KIAA1217: variants seen among roughly 807,000 people sequenced by gnomAD.
The protein encoded by KIAA1217 is sickle tail protein homolog.
KIAA1217 carries 88 observed loss-of-function variants against 163.9 expected under a neutral mutation model. The ratio of observed to expected loss-of-function variants is 0.54; its 90% CI spans 0.45 to 0.64. The LOEUF (loss-of-function observed/expected upper bound fraction) is 0.64. KIAA1217 is among the 30% of genes least tolerant of loss of function. The pLI, the probability that KIAA1217 is intolerant of heterozygous loss-of-function variation, is 0.00. For synonymous variants in KIAA1217, 903 were observed against 923.1 expected, an observed-to-expected ratio of 0.98 and a Z score of 0.39; for missense variants, 2,372 against 2,475.0, an observed-to-expected ratio of 0.96 and a Z score of 0.88.
intron 2 of KIAA1217, among the ~76,000 whole-genome samples, chr10:24,091,552 C>A (rs1018738763): frequency 6.6e-6 from 1 of 151,836 alleles, no homozygotes; most frequent in Non-Finnish European, 1.5e-5. Context: ...AGTAAGGGAA[C>A]TTTCATGAGC....
intron 2 of KIAA1217, among the ~76,000 whole-genome samples, chr10:24,268,251 G>C (rs2076423454): frequency 6.6e-6 from 1 of 152,088 alleles, no homozygotes; most frequent in South Asian, 2.1e-4. Flanking sequence ...TCAACAACCT[G>C]TTATATTTGA....
intron 1 of KIAA1217, among the ~76,000 whole-genome samples, chr10:23,905,447 G>A (rs1842121509): frequency 6.6e-6 from 1 of 152,008 alleles, no homozygotes; most frequent in Admixed American, 6.6e-5. Flanking sequence ...TATGGTTTAT[G>A]CTTTACAGAT....
chr10:23,861,082 T>A (rs1319505368), intron 1 of KIAA1217, among the ~76,000 whole-genome samples: 1 of 151,886 alleles, frequency 6.6e-6, no homozygotes, highest in Non-Finnish European at 1.5e-5. Context: ...CTGGCTAATT[T>A]TTGTATTTTT....
At chr10:24,410,206 G>C (rs1205102040) in intron 3 of KIAA1217, among the ~76,000 whole-genome samples, 1 of 151,924 alleles carries the variant, frequency 6.6e-6, no homozygotes, top group Non-Finnish European at 1.5e-5. Flanking sequence ...ATGTTGGCCA[G>C]GCTGGTCTCG....
chr10:23,936,370 G>A (rs982067223), intron 1 of KIAA1217, among the ~76,000 whole-genome samples: 2 of 152,074 alleles, frequency 1.3e-5, no homozygotes, highest in South Asian at 2.1e-4. Context: ...ATTACCCCCC[G>A]GCCCCAACAA....
chr10:24,427,830 G>A (rs139254979), intron 3 of KIAA1217, among the ~76,000 whole-genome samples: 156 of 152,252 alleles, frequency 1.0e-3, no homozygotes, highest in African/African-American at 3.6e-3. Context: ...CCAATAAAAC[G>A]CCATCGGATA....
chr10:24,145,625 A>G (rs2064274737), intron 2 of KIAA1217, among the ~76,000 whole-genome samples: 1 of 152,214 alleles, frequency 6.6e-6, no homozygotes, highest in South Asian at 2.1e-4. Context: ...ATAACCGGCC[A>G]TCTCCAAGCT....
At chr10:23,938,106 A>G (rs1246012812) in intron 1 of KIAA1217, among the ~76,000 whole-genome samples, 1 of 152,182 alleles carries the variant, frequency 6.6e-6, no homozygotes, top group Non-Finnish European at 1.5e-5. Flanking sequence ...ACCAGCATCT[A>G]TATGTTGGGA....
At chr10:24,520,350 T>C in intron 11 of KIAA1217, 97 bp downstream of exon 11, 3 of 1,498,984 alleles carry the variant, frequency 2.0e-6, no homozygotes, top group Non-Finnish European at 2.7e-6. Flanking sequence ...TATGCAAGTA[T>C]TTATTAAACG....
intron 1 of KIAA1217, among the ~76,000 whole-genome samples, chr10:23,817,996 T>C (rs534138211): frequency 0.037 from 3,921 of 106,082 alleles, 360 homozygotes; most frequent in African/African-American, 0.15. Context: ...TATATATATA[T>C]ATATATATAT....
At chr10:24,047,166 G>C (rs1849092853) in intron 2 of KIAA1217, among the ~76,000 whole-genome samples, 1 of 152,128 alleles carries the variant, frequency 6.6e-6, no homozygotes, top group African/African-American at 2.4e-5. Context: ...ATAGGGCCTT[G>C]CTGTCCTAAT....
At chr10:24,089,861 T>C (rs1324000073) in intron 2 of KIAA1217, among the ~76,000 whole-genome samples, 3 of 151,838 alleles carry the variant, frequency 2.0e-5, no homozygotes, top group Admixed American at 6.5e-5. Context: ...AAAATGGCCA[T>C]ACTGCCCAAG....
rs995442364 is a variant in KIAA1217, at chr10:23,818,347, A to T, written c.-321+123113A>T. On this transcript the variant is annotated intron_variant, in intron 1 of 18. Transcript: ENST00000376462. The stretch of plus-strand genomic sequence containing the variant: ...TATATATATTTTATATATATATATA[A>T]AAAAATATATATATATATATATATA... Among the ~76,000 whole-genome samples the T allele has an allele frequency of 2.0e-3, 239 of 116,946 alleles. 1 individual carries two copies. Among genetic ancestry groups the T allele is most frequent in the East Asian group, 4.7e-3 (19 of 4,030 alleles). The allele number at this position is 116,946 out of a possible 152,430, so 76.7% of individuals were successfully genotyped here.
intron 5 of KIAA1217, among the ~76,000 whole-genome samples, chr10:24,445,657 T>G (rs1332546310): frequency 6.6e-6 from 1 of 151,722 alleles, no homozygotes; most frequent in Non-Finnish European, 1.5e-5. Context: ...TGCGATAGTT[T>G]GCTGAGAATG....
chr10:24,044,375 T>C (rs1389433017), intron 2 of KIAA1217, among the ~76,000 whole-genome samples: 1 of 152,162 alleles, frequency 6.6e-6, no homozygotes. Flanking sequence ...GATTTTTGTG[T>C]TAGTTCTTTA....
At position 24,049,373 on chromosome 10, in the gene KIAA1217, G is replaced by A. The variant is rs57441257; in HGVS notation, c.-171+41999G>A. On this transcript the variant is annotated intron_variant, in intron 2 of 18. Coordinates refer to the KIAA1217 transcript ENST00000376462. ...ACAGTGGCATAGAAACCTAAAGATC[G>A]TATAAATTATCTCTTTTTTTAACTC... 9.1e-3 allele frequency among the ~76,000 whole-genome samples: 1,385 copies of A among 152,172 alleles called. 18 individuals are homozygous for A. Among genetic ancestry groups the A allele is most frequent in the African/African-American group, 0.032 (1,318 of 41,520 alleles).
At chr10:24,053,303 A>G (rs1043327796) in intron 2 of KIAA1217, among the ~76,000 whole-genome samples, 3 of 152,154 alleles carry the variant, frequency 2.0e-5, no homozygotes, top group Non-Finnish European at 4.4e-5. Flanking sequence ...TGGGTAATTC[A>G]TATTTATAAA....
At chr10:23,795,290 A>G (rs1485878124) in intron 1 of KIAA1217, among the ~76,000 whole-genome samples, 1 of 152,118 alleles carries the variant, frequency 6.6e-6, no homozygotes, top group Non-Finnish European at 1.5e-5. Context: ...ATGCCTCACT[A>G]GTTCTCCCAG....
chr10:24,027,378 A>T (rs530359014), intron 2 of KIAA1217, among the ~76,000 whole-genome samples: 6 of 152,118 alleles, frequency 3.9e-5, no homozygotes, highest in Non-Finnish European at 8.8e-5. Context: ...CTATTGTTTC[A>T]TATATTTTGT....
Sources: gnomAD v4.1 joint callset for allele counts (sites outside exome capture counted in the v4.1 genomes callset) on GRCh38, gnomAD v4.1.1 for gene constraint, MANE v1.5 for transcripts, NCBI Gene and HGNC (gene_info 2026-07-23, HGNC 2026-07-21) for gene names.